The following CABIN1 variants were observed in gnomAD, a reference collection of about 807,000 sequenced individuals.
CABIN1 encodes the protein calcineurin binding protein 1, also known as calcineurin-binding protein cabin-1.
In CABIN1, 133 loss-of-function variants were observed where a neutral mutation model predicts 227.7. The observed-to-expected ratio is 0.58, with a 90% CI of 0.51 to 0.67. The LOEUF (loss-of-function observed/expected upper bound fraction) is 0.67, where lower values mean the gene tolerates loss of function less well. Ranked by LOEUF, CABIN1 falls within the 30% of genes least tolerant of loss-of-function variation. CABIN1 has a pLI of 0.00. For missense variants in CABIN1, 2,408 were observed against 2,852.5 expected (o/e 0.84, Z 3.55); for synonymous variants, 1,086 against 1,155.1 (o/e 0.94, Z 1.21).
At chr22:24,153,166 G>A (rs980998056) in intron 29 of CABIN1, among the ~76,000 whole-genome samples, 1 of 152,174 alleles carries the variant, frequency 6.6e-6, no homozygotes, top group Non-Finnish European at 1.5e-5. Context: ...GACCAGCCAC[G>A]TGAGCCAAAG....
chr22:24,177,351 A>G lies in CABIN1; in HGVS notation c.6206-153A>G, dbSNP rs1360118229. On this transcript the variant is annotated intron_variant, in intron 35 of 36. Transcript: ENST00000263119. This position sits in a 1 kb window ranked among gnomAD's most constrained non-coding sequence, Gnocchi z 4.4. ...GGGTCCCTGCAGGCCTGAGCCAAGTATTTGCCCAGGGTAGAAGCCTTGGAG... is the reference window on the plus strand; with the variant it reads ...GGGTCCCTGCAGGCCTGAGCCAAGTGTTTGCCCAGGGTAGAAGCCTTGGAG... Among the ~76,000 whole-genome samples the G allele has an allele frequency of 6.6e-6, 1 of 152,068 alleles. No homozygotes were observed. Among genetic ancestry groups the G allele is most frequent in the African/African-American group, 2.4e-5 (1 of 41,408 alleles).
chr22:24,072,111 G>A (rs2040129663), intron 17 of CABIN1, among the ~76,000 whole-genome samples: 1 of 152,202 alleles, frequency 6.6e-6, no homozygotes, highest in Admixed American at 6.5e-5. Flanking sequence ...CACATAGTAG[G>A]TACTGAGGGT....
Position 24,166,967 on chromosome 22 carries a change from T to C in CABIN1, c.5336T>C (p.Leu1779Pro), listed in dbSNP as rs763830397. The C allele has an allele frequency of 1.4e-5, 22 of 1,588,266 alleles. No individual in the cohort carries two copies. The highest frequency in any genetic ancestry group is 9.2e-5 in the East Asian group (4 of 43,246). The change falls in exon 32 of 37, where the codon CTG (leucine) becomes CCG (proline). Residue 1779 changes from leucine to proline, a missense_variant. Around this residue, in one of 3 missense-constraint regions of CABIN1, gnomAD observed 714 missense variants for 773.8 expected, o/e 0.92. Coordinates refer to ENST00000263119, the MANE Select transcript of CABIN1 (RefSeq NM_012295.4). ...CHSDLERTPP[L>P]LPGRPARDRG... ...TCAGACTTGGAGCGGACACCACCCC[T>C]GCTGCCAGGTCGCCCCGCAAGGGAC... is the stretch of plus-strand genomic sequence containing the variant.
rs1163377557 is a variant in CABIN1, at chr22:24,072,460, C to T, written c.2582C>T (p.Thr861Ile). Residue 861 changes from threonine (T) to isoleucine (I), a missense_variant, in exon 18 of 37, where the codon ACC becomes ATC. Coordinates refer to ENST00000263119, the MANE Select transcript of CABIN1 (RefSeq NM_012295.4). ...LHRIIWQEED[T>I]FHSLCHQQQL... The stretch of plus-strand genomic sequence containing the variant: ...CGGATCATCTGGCAGGAGGAAGACA[C>T]CTTCCATTCTCTGTGCCACCAGCAG... 4 of 1,614,212 alleles carry T rather than the reference C, an allele frequency of 2.5e-6. No individual in the cohort carries two copies. Among genetic ancestry groups the T allele is most frequent in the Admixed American group, 1.7e-5 (1 of 60,028 alleles).
At position 24,024,286 on chromosome 22, in the gene CABIN1, A is replaced by T. The variant is rs983771752; in HGVS notation, c.-74-11158A>T. Among the ~76,000 whole-genome samples, 5 of 152,254 alleles carry T rather than the reference A, an allele frequency of 3.3e-5. No homozygotes were observed. In the East Asian group the frequency reaches 9.6e-4, roughly 29 times the overall value. ...TGTATACATGTGCTACCTTTGCATA[A>T]AAGTTTTACATTTTGATGAAGTCTA... On this transcript the variant is annotated intron_variant, in intron 1 of 36. Transcript: ENST00000263119.
intron 9 of CABIN1, among the ~76,000 whole-genome samples, chr22:24,055,651 C>T (rs1161806311): frequency 3.3e-5 from 5 of 152,136 alleles, no homozygotes; most frequent in African/African-American, 1.2e-4. Context: ...GACAAAAGCT[C>T]CCGAGCCTTT....
At chr22:24,028,404 A>C (rs928931109) in intron 1 of CABIN1, among the ~76,000 whole-genome samples, 1 of 152,210 alleles carries the variant, frequency 6.6e-6, no homozygotes, top group Non-Finnish European at 1.5e-5. Context: ...GCTACAGTCC[A>C]TGGTGTTAAC....
intron 23 of CABIN1, among the ~76,000 whole-genome samples, chr22:24,091,127 G>A (rs528108352): frequency 6.6e-6 from 1 of 152,290 alleles, no homozygotes; most frequent in Admixed American, 6.5e-5. Context: ...GTCTTAAAGA[G>A]CACAGAGGAG....
At chr22:24,070,662 G>A in intron 16 of CABIN1, 138 bp from the exon 17 acceptor site, 2 of 1,255,662 alleles carry the variant, frequency 1.6e-6, no homozygotes, top group East Asian at 2.3e-5. Context: ...GCTGCATGGG[G>A]CCTATGTTGT....
chr22:24,039,996 G>GAGAGTGGT (rs2037240637), intron 4 of CABIN1, among the ~76,000 whole-genome samples: 1 of 152,262 alleles, frequency 6.6e-6, no homozygotes, highest in Non-Finnish European at 1.5e-5. Flanking sequence ...AGGGTGGATG[G>GAGAGTGGT]AGAGTGGTGC....
At chr22:24,079,725 T>C (rs2040684875) in intron 19 of CABIN1, among the ~76,000 whole-genome samples, 1 of 152,188 alleles carries the variant, frequency 6.6e-6, no homozygotes, top group South Asian at 2.1e-4. Flanking sequence ...GTTCACATGA[T>C]TTGCCCATCT....
chr22:24,061,183 C>T (rs2039164041), intron 12 of CABIN1, among the ~76,000 whole-genome samples: 1 of 152,230 alleles, frequency 6.6e-6, no homozygotes, highest in Non-Finnish European at 1.5e-5. Flanking sequence ...CTCACTGAGC[C>T]TTGTCTTCCT....
chr22:24,029,625 TC>T (rs1969540899), intron 1 of CABIN1, among the ~76,000 whole-genome samples: 1 of 152,168 alleles, frequency 6.6e-6, no homozygotes, highest in South Asian at 2.1e-4. Flanking sequence ...CCCACAGTCT[TC>T]CCAATGTGTC....
intron 29 of CABIN1, among the ~76,000 whole-genome samples, chr22:24,138,915 T>C (rs138248726): frequency 4.9e-4 from 74 of 152,286 alleles, no homozygotes; most frequent in African/African-American, 1.8e-3. Flanking sequence ...GCAGGACTCT[T>C]ATCTGGAATG....
chr22:24,064,952 A>G (rs1334954914), intron 15 of CABIN1, among the ~76,000 whole-genome samples: 3 of 152,098 alleles, frequency 2.0e-5, no homozygotes, highest in African/African-American at 7.2e-5. Context: ...CGATTTCTCA[A>G]TCTTTTCCCC....
chr22:24,060,235 C>A, intron 12 of CABIN1, 94 bp downstream of exon 12: 2 of 1,214,962 alleles, frequency 1.6e-6, no homozygotes, highest in Non-Finnish European at 2.4e-6. Context: ...TTGTGTTTGG[C>A]TGCATCTACT....
At chr22:24,113,918 T>C (rs1484201626) in intron 27 of CABIN1, among the ~76,000 whole-genome samples, 170 bp downstream of exon 27, 1 of 152,190 alleles carries the variant, frequency 6.6e-6, no homozygotes, top group Non-Finnish European at 1.5e-5. Flanking sequence ...GCCCTGGGGT[T>C]GTGAGGGTTG....
intron 1 of CABIN1, among the ~76,000 whole-genome samples, chr22:24,019,132 T>G (rs996422342): frequency 3.8e-5 from 5 of 131,352 alleles, no homozygotes; most frequent in African/African-American, 5.8e-5. Flanking sequence ...TTTTTTTTTT[T>G]TTTTTTTTTT....
intron 30 of CABIN1, 22 bp downstream of exon 30, chr22:24,164,585 A>C: frequency 6.2e-7 from 1 of 1,600,648 alleles, no homozygotes; most frequent in Non-Finnish European, 8.5e-7. Flanking sequence ...CACCCTGGAC[A>C]CAGCCTGGCA....
Sources: allele counts gnomAD v4.1 joint callset (sites outside exome capture counted in the v4.1 genomes callset), GRCh38; gene constraint gnomAD v4.1.1; regional missense constraint gnomAD v4.1.1; non-coding constraint Gnocchi (gnomAD v3.1); transcripts MANE v1.5; gene names NCBI Gene and HGNC (gene_info 2026-07-23, HGNC 2026-07-21).